SH3KBP1: variants seen among roughly 807,000 people sequenced by gnomAD.
The protein encoded by SH3KBP1 is SH3 domain containing kinase binding protein 1, also known as SH3 domain-containing kinase-binding protein 1.
In SH3KBP1, 8 loss-of-function variants were observed where a neutral mutation model predicts 50.1. That is an observed-to-expected ratio of 0.16 (90% CI 0.09 to 0.29). SH3KBP1 has a LOEUF of 0.29. SH3KBP1 is among the 10% of genes least tolerant of loss of function. The pLI is 1.00. For synonymous variants in SH3KBP1, 227 were observed against 218.6 expected (o/e 1.04, Z -0.34); for missense variants, 377 against 535.2 (o/e 0.70, Z 2.92).
intron 16 of SH3KBP1, among the ~76,000 whole-genome samples, chrX:19,539,772 G>A (rs763732381): frequency 5.4e-5 from 6 of 111,629 alleles, no homozygotes; most frequent in Non-Finnish European, 1.1e-4. Context: ...ACTAATACAA[G>A]AGACTAGTAG....
At position 19,588,466 on chromosome X, in the gene SH3KBP1, G is replaced by C. The variant is rs73457656; in HGVS notation, c.1298+177C>G. 2.9e-3 allele frequency: 3,453 copies of C among 1,177,506 alleles called. 70 individuals are homozygous for C. In the African/African-American group the frequency reaches 0.053, roughly 18 times the overall value. ...CACACTCACTCCTGCCTGAGTGCAG[G>C]AGCAAGGACAGAAGTGGCCGGTGTC... On this transcript the variant is annotated intron_variant, in intron 12 of 17. Coordinates refer to ENST00000397821, the MANE Select transcript of SH3KBP1 (RefSeq NM_031892.3).
intron 6 of SH3KBP1, among the ~76,000 whole-genome samples, chrX:19,673,608 T>C (rs987200522): frequency 1.8e-5 from 2 of 111,267 alleles, no homozygotes; most frequent in South Asian, 3.8e-4. Context: ...TCATCGACCA[T>C]GGAGCCCCGG....
chrX:19,563,371 C>T (rs1317926099), intron 13 of SH3KBP1, among the ~76,000 whole-genome samples: 3 of 112,134 alleles, frequency 2.7e-5, no homozygotes, highest in African/African-American at 6.5e-5. Context: ...CACTGTGAGC[C>T]TGAGAGGCTG....
At chrX:19,549,952 T>C (rs1555981056) in intron 14 of SH3KBP1, 22 bp downstream of exon 14, 10 of 1,059,151 alleles carry the variant, frequency 9.4e-6, no homozygotes, top group Non-Finnish European at 1.2e-5. Flanking sequence ...TAAGGGAACA[T>C]ACAGTTTGAG....
In SH3KBP1 at chrX:19,537,752, A is replaced by T. The variant is rs762337293; in HGVS notation, c.1921T>A (p.Leu641Met). 8.3e-7 allele frequency: 1 copy of T among 1,209,277 alleles called. No individual in the cohort carries two copies. The highest frequency in any genetic ancestry group is 1.8e-5 in the African/African-American group (1 of 57,030). ...KREIKQLLSE[L>M]DEEKKIRLRL... The stretch of plus-strand genomic sequence containing the variant: ...AGCCGGATTTTCTTCTCTTCATCCA[A>T]CTCAGACAATAACTGTTTAATCTCT... The change falls in exon 17 of 18, where the codon TTG (leucine) becomes ATG (methionine). Residue 641 changes from leucine to methionine, a missense_variant. Coordinates refer to ENST00000397821, the MANE Select transcript of SH3KBP1 (RefSeq NM_031892.3).
At chrX:19,874,048 C>CAAAAAAAAA (rs55948760) in intron 1 of SH3KBP1, among the ~76,000 whole-genome samples, 2 of 26,292 alleles carry the variant, frequency 7.6e-5, no homozygotes, top group African/African-American at 5.1e-4. Flanking sequence ...GAGTCCATCT[C>CAAAAAAAAA]AAAAAAAAAA....
At chrX:19,691,448 T>TA (rs2063292582) in intron 5 of SH3KBP1, among the ~76,000 whole-genome samples, 1 of 102,576 alleles carries the variant, frequency 9.7e-6, no homozygotes, top group African/African-American at 3.6e-5. Context: ...ATATATATAT[T>TA]TTCAGGCTTT....
intron 3 of SH3KBP1, among the ~76,000 whole-genome samples, chrX:19,732,067 ATTTT>A (rs1170912146): frequency 2.7e-5 from 3 of 111,064 alleles, no homozygotes; most frequent in African/African-American, 9.8e-5. Flanking sequence ...TTAGCTTTTG[ATTTT>A]TTTTGAGGTT....
chrX:19,671,075 C>T (rs2062781735), intron 6 of SH3KBP1: 2 of 960,404 alleles, frequency 2.1e-6, no homozygotes, highest in South Asian at 3.7e-5. Context: ...TGGGTGGCTT[C>T]GAGAGAAGTC....
chrX:19,643,117 C>T (rs1339019446), intron 7 of SH3KBP1, among the ~76,000 whole-genome samples: 1 of 108,831 alleles, frequency 9.2e-6, no homozygotes, highest in East Asian at 2.9e-4. Flanking sequence ...ACTCTGTGGC[C>T]TGTTACCTAA....
chrX:19,565,614 G>T (rs1395480329), intron 13 of SH3KBP1, among the ~76,000 whole-genome samples: 1 of 111,393 alleles, frequency 9.0e-6, no homozygotes, highest in Non-Finnish European at 1.9e-5. Flanking sequence ...GGAGATGAAG[G>T]GGGAGGGTTT....
intron 12 of SH3KBP1, among the ~76,000 whole-genome samples, chrX:19,584,264 C>T (rs1291161894): frequency 6.8e-5 from 5 of 73,525 alleles, no homozygotes; most frequent in South Asian, 5.3e-4. Context: ...ATACAAAATA[C>T]ATATTTATAT....
At chrX:19,772,116 A>T (rs184578366) in intron 2 of SH3KBP1, among the ~76,000 whole-genome samples, 1 of 111,626 alleles carries the variant, frequency 9.0e-6, no homozygotes, top group African/African-American at 3.2e-5. Context: ...TGGTGGTTTA[A>T]AAAAAAGGAA....
intron 9 of SH3KBP1, among the ~76,000 whole-genome samples, chrX:19,596,739 G>T (rs944754275): frequency 1.8e-5 from 2 of 112,171 alleles, no homozygotes; most frequent in African/African-American, 6.5e-5. Flanking sequence ...ACCAGGAGTA[G>T]ATTCCATCTC....
At chrX:19,577,589 C>T (rs1292586872) in intron 12 of SH3KBP1, among the ~76,000 whole-genome samples, 2 of 111,201 alleles carry the variant, frequency 1.8e-5, no homozygotes, top group Non-Finnish European at 3.8e-5. Flanking sequence ...TCTCTCGAGA[C>T]CATGAACTCA....
intron 8 of SH3KBP1, among the ~76,000 whole-genome samples, chrX:19,613,042 C>T (rs1035025746): frequency 2.7e-5 from 3 of 112,248 alleles, no homozygotes; most frequent in East Asian, 2.8e-4. Context: ...TGAGGCAAGA[C>T]AGCACCCACT....
intron 6 of SH3KBP1, among the ~76,000 whole-genome samples, chrX:19,672,980 C>T (rs770885831): frequency 1.7e-4 from 1 of 5,890 alleles, no homozygotes; most frequent in Non-Finnish European, 2.8e-4. Flanking sequence ...TTGCTTGAAT[C>T]GGGTGGGGGT....
chrX:19,744,597 C>A lies in SH3KBP1; in HGVS notation c.286+1721G>T, dbSNP rs778755586. 2.5e-4 allele frequency among the ~76,000 whole-genome samples: 28 copies of A among 112,011 alleles called. No individual in the cohort carries two copies. In the South Asian group the frequency reaches 0.01, roughly 41 times the overall value. The stretch of plus-strand genomic sequence containing the variant: ...CCATGTACTCAGGTCCCACAACCAC[C>A]GGCAGATTCCACATATAAAATGCCT... On this transcript the variant is annotated intron_variant, in intron 3 of 17. Coordinates refer to ENST00000397821, the MANE Select transcript of SH3KBP1 (RefSeq NM_031892.3).
chrX:19,700,525 A>T lies in SH3KBP1; in HGVS notation c.391-4784T>A, dbSNP rs181513228. ...TCAATCCACCTCCAAGCAATCATTA[A>T]TCTGATTTCTATCACCTTTGATTCA... On this transcript the variant is annotated intron_variant, in intron 4 of 17. Transcript: ENST00000397821. Among the ~76,000 whole-genome samples the T allele has an allele frequency of 2.7e-5, 3 of 112,317 alleles. No individual in the cohort carries two copies. The East Asian group carries it at 8.3e-4, about 31-fold the overall frequency.
Sources: gnomAD v4.1 joint callset for allele counts (sites outside exome capture counted in the v4.1 genomes callset) on GRCh38, gnomAD v4.1.1 for gene constraint, MANE v1.5 for transcripts, NCBI Gene and HGNC (gene_info 2026-07-23, HGNC 2026-07-21) for gene names.